GPR179: variants seen among roughly 807,000 people sequenced by gnomAD.
GPR179 encodes G protein-coupled receptor 179, also known as probable G protein-coupled receptor 179.
GPR179 carries 52 observed loss-of-function variants against 70.8 expected under a neutral mutation model. The ratio of observed to expected loss-of-function variants is 0.73; its 90% CI spans 0.59 to 0.93. The LOEUF is 0.93. GPR179 is among the 40% of genes least tolerant of loss of function. The probability of loss-of-function intolerance (pLI) is 0.00; values close to 1 mark genes in which losing one functional copy is unlikely to be tolerated. For missense variants in GPR179, 2,734 were observed against 2,966.8 expected (o/e 0.92, Z 1.82); for synonymous variants, 1,123 against 1,169.0 (o/e 0.96, Z 0.80).
In GPR179 at chr17:38,325,093, C is replaced by G. The variant is rs994309802; in HGVS notation, c.*1372G>C. Among the ~76,000 whole-genome samples, 12 of 152,108 alleles carry G rather than the reference C, an allele frequency of 7.9e-5. No individual in the cohort carries two copies. The highest frequency in any genetic ancestry group is 7.9e-4 in the Admixed American group (12 of 15,254). On this transcript the variant is annotated 3_prime_UTR_variant, in exon 11 of 11. Coordinates refer to ENST00000616987, the MANE Select transcript of GPR179 (RefSeq NM_001004334.4). ...GTGCAGCTCTGCCTTCTCTAGCTGC[C>G]CCTTCCCCCCTCTCCCACCTCCCTT... is the stretch of plus-strand genomic sequence containing the variant.
chr17:38,333,417 G>C lies in GPR179; in HGVS notation c.1891-20C>G. 1 of 1,610,014 alleles carries C rather than the reference G, an allele frequency of 6.2e-7. No individual in the cohort carries two copies. The highest frequency in any genetic ancestry group is 2.2e-5 in the East Asian group (1 of 44,762). On this transcript the variant is annotated intron_variant, in intron 9 of 10. Transcript: ENST00000616987. ...CCAGAACTGGCAGGGGTGCATAAGA[G>C]TGGGAAAAAGACTCGCCCTGGCTCC... is the stretch of plus-strand genomic sequence containing the variant.
rs763800982 is a variant in GPR179, at chr17:38,335,196, C to T, written c.1482G>A (p.Leu494=). 4 of 1,563,154 alleles carry T rather than the reference C, an allele frequency of 2.6e-6. No homozygotes were observed. The highest frequency in any genetic ancestry group is 3.5e-6 in the Non-Finnish European group (4 of 1,154,130). Residue 494 remains leucine, a synonymous_variant, in exon 7 of 11, where the codon CTG becomes CTA. Transcript: ENST00000616987. ...LLSSGRLLRH[L]GLLLLPVLGF... is the part of the protein sequence containing the mutation. ...CCAGCACAGGTAGCAGGAGCAGCCC[C>T]AGGTGCCGCAGCAGCCGCCCGCTGC...
Position 38,328,822 on chromosome 17 carries a change from G to T in GPR179, c.4747C>A (p.Gln1583Lys). ...CPQEDLRPEA[Q>K]EATPAKTEIC... is the part of the protein sequence containing the mutation. ...TCTGTTTTGGCAGGTGTTGCTTCCTGTGCCTCCGGCCTGAGATCTTCCTGT... is the reference window on the plus strand; with the variant it reads ...TCTGTTTTGGCAGGTGTTGCTTCCTTTGCCTCCGGCCTGAGATCTTCCTGT... The change falls in exon 11 of 11, where the codon CAG becomes AAG. Residue 1583 changes from glutamine to lysine, a missense_variant. Physicochemically the swap from Gln to Lys is moderately conservative, Grantham distance 53 (BLOSUM62 1). Transcript: ENST00000616987. 1.9e-6 allele frequency: 3 copies of T among 1,611,946 alleles called. No homozygotes were observed. Among genetic ancestry groups the T allele is most frequent in the Non-Finnish European group, 1.7e-6 (2 of 1,179,496 alleles).
chr17:38,336,299 C>G (rs895892706), intron 4 of GPR179, among the ~76,000 whole-genome samples, 155 bp from the exon 5 acceptor site: 1 of 152,208 alleles, frequency 6.6e-6, no homozygotes, highest in Non-Finnish European at 1.5e-5. Context: ...TCCCTTGTTA[C>G]CCCAGGCTCA....
chr17:38,339,596 T>C, intron 1 of GPR179, 71 bp from the exon 2 acceptor site: 6 of 1,078,478 alleles, frequency 5.6e-6, no homozygotes, highest in South Asian at 5.1e-5. Flanking sequence ...CTGGGCGTTG[T>C]TGGGGCCCAG....
rs369759200 is a variant in GPR179, at chr17:38,330,856, G to C, written c.2713C>G (p.Pro905Ala). ...CTGTCCACGCTGCTGCTCTTGGCAG[G>C]GGAAGGTGGAGCTGACAGGGGGGCC... ...RGAPLSAPPS[P>A]AKSSSVDSSH... Residue 905 changes from proline (P) to alanine (A), a missense_variant, in exon 11 of 11, where the codon CCT becomes GCT. Physicochemically the swap from Pro to Ala is conservative, Grantham distance 27. Transcript: ENST00000616987. 2 of 1,602,202 alleles carry C rather than the reference G, an allele frequency of 1.2e-6. No individual in the cohort carries two copies. Among genetic ancestry groups the C allele is most frequent in the Non-Finnish European group, 1.7e-6 (2 of 1,174,626 alleles).
rs1597664176 is a variant in GPR179 at position 38,330,543 on chromosome 17, T to C, written c.3026A>G (p.Gln1009Arg). Residue 1009 changes from glutamine (Q) to arginine (R), a missense_variant, in exon 11 of 11, where the codon CAG becomes CGG. Transcript: ENST00000616987. ...TCGCTCTGGCCCTGAGGGGCCTTCC[T>C]GGGGCACATTTTCTTGCTTGGCTGG... ...ELPAKQENVP[Q>R]EGPSGPERGH... 16 of 1,569,126 alleles carry C rather than the reference T, an allele frequency of 1.0e-5. No homozygotes were observed. In the East Asian group the frequency reaches 3.6e-4, roughly 35 times the overall value.
Position 38,334,872 on chromosome 17 carries a change from G to T in GPR179, c.1646-30C>A. The T allele has an allele frequency of 6.2e-7, 1 of 1,607,750 alleles. No individual in the cohort carries two copies. The highest frequency in any genetic ancestry group is 8.5e-7 in the Non-Finnish European group (1 of 1,177,752). ...GGGGAGACAGGGAGGGAGAGAGCCG[G>T]CACCACCTCAGCAGCTGTCCCACCC... On this transcript the variant is annotated intron_variant, in intron 7 of 10. Coordinates refer to ENST00000616987, the MANE Select transcript of GPR179 (RefSeq NM_001004334.4). The surrounding 1 kb of genome is among the most constrained non-coding windows in gnomAD (Gnocchi z 4.7).
At position 38,330,884 on chromosome 17, in the gene GPR179, T is replaced by C. The variant is rs1462410830; in HGVS notation, c.2685A>G (p.Arg895=). The C allele has an allele frequency of 6.2e-7, 1 of 1,600,438 alleles. No homozygotes were observed. ...RPSARRLERP[R]GAPLSAPPSP... is the part of the protein sequence containing the mutation. Reference sequence around the variant, plus strand: ...AAGGTGGAGCTGACAGGGGGGCCCCTCGAGGCCGCTCCAGCCTCCTGGCTG... The same window carrying C: ...AAGGTGGAGCTGACAGGGGGGCCCCCCGAGGCCGCTCCAGCCTCCTGGCTG... Residue 895 remains arginine, a synonymous_variant, in exon 11 of 11, where the codon CGA becomes CGG. Coordinates refer to ENST00000616987, the MANE Select transcript of GPR179 (RefSeq NM_001004334.4).
chr17:38,326,977 C>T lies in GPR179; in HGVS notation c.6592G>A (p.Gly2198Ser), dbSNP rs768675419. 27 of 1,614,024 alleles carry T rather than the reference C, an allele frequency of 1.7e-5. No homozygotes were observed. The highest frequency in any genetic ancestry group is 8.3e-5 in the Admixed American group (5 of 60,010). The change falls in exon 11 of 11, where the codon GGT becomes AGT. Residue 2198 changes from glycine (G) to serine (S), a missense_variant. By Grantham distance (56) the Gly-to-Ser change is moderately conservative (BLOSUM62 0). Transcript: ENST00000616987. Reference protein sequence around the residue: ...TGSGGLLPQSGALDPELKVSP... With the variant: ...TGSGGLLPQSSALDPELKVSP... ...ACTTTGAGTTCTGGGTCCAGGGCAC[C>T]TGACTGGGGCAAGAGCCCTCCTGAG...
chr17:38,326,978 T>C lies in GPR179; in HGVS notation c.6591A>G (p.Ser2197=). Residue 2197 remains serine, a synonymous_variant, in exon 11 of 11, where the codon TCA becomes TCG. Coordinates refer to ENST00000616987, the MANE Select transcript of GPR179 (RefSeq NM_001004334.4). Reference sequence around the variant, plus strand: ...CTTTGAGTTCTGGGTCCAGGGCACCTGACTGGGGCAAGAGCCCTCCTGAGC... The same window carrying C: ...CTTTGAGTTCTGGGTCCAGGGCACCCGACTGGGGCAAGAGCCCTCCTGAGC... ...GTGSGGLLPQ[S]GALDPELKVS... 1 of 1,614,112 alleles carries C rather than the reference T, an allele frequency of 6.2e-7. No homozygotes were observed.
Position 38,343,018 on chromosome 17 carries a change from G to C in GPR179, c.772C>G (p.Pro258Ala), listed in dbSNP as rs1158147711. 1.9e-6 allele frequency: 3 copies of C among 1,610,624 alleles called. No homozygotes were observed. Among genetic ancestry groups the C allele is most frequent in the Non-Finnish European group, 2.5e-6 (3 of 1,178,166 alleles). ...TACCTGACTTCTGGGCTGAGGTCTG[G>C]CTTGAGTCCATAGAAGGTGGCAGAG... ...TLSATFYGLKPDLSPEVRGQV... is the reference protein window; with the variant it reads ...TLSATFYGLKADLSPEVRGQV... The change falls in exon 1 of 11, where the codon CCA (proline) becomes GCA (alanine). Residue 258 changes from proline (P) to alanine (A), a missense_variant. Coordinates refer to ENST00000616987, the MANE Select transcript of GPR179 (RefSeq NM_001004334.4). The surrounding 1 kb of genome is among the most constrained non-coding windows in gnomAD (Gnocchi z 4.2).
chr17:38,331,584 CT>C, intron 10 of GPR179, 53 bp from the exon 11 acceptor site: 6 of 1,543,118 alleles, frequency 3.9e-6, no homozygotes, highest in Non-Finnish European at 5.2e-6. Context: ...TCTCCATCCC[CT>C]GGCTGTCTGT....
At position 38,328,609 on chromosome 17, in the gene GPR179, C is replaced by T; in HGVS notation, c.4960G>A (p.Val1654Met). 1 of 1,614,170 alleles carries T rather than the reference C, an allele frequency of 6.2e-7. No homozygotes were observed. The highest frequency in any genetic ancestry group is 8.5e-7 in the Non-Finnish European group (1 of 1,180,038). The change falls in exon 11 of 11, where the codon GTG becomes ATG. Residue 1654 changes from valine (V) to methionine (M), a missense_variant. Val to Met is a conservative substitution (Grantham distance 21). Coordinates refer to ENST00000616987, the MANE Select transcript of GPR179 (RefSeq NM_001004334.4). The part of the protein sequence containing the change: ...KQEAVGPWES[V>M]DPGSFSPQPR... ...TGTGGGGAGAAGCTGCCAGGGTCCA[C>T]ACTCTCCCAGGGGCCGACCGCTTCT...
In GPR179 at chr17:38,327,844, C is replaced by T. The variant is rs903436438; in HGVS notation, c.5725G>A (p.Glu1909Lys). The T allele has an allele frequency of 5.9e-5, 95 of 1,614,106 alleles. No homozygotes were observed. Among genetic ancestry groups the T allele is most frequent in the Non-Finnish European group, 7.9e-5 (93 of 1,180,054 alleles). Residue 1909 changes from glutamate (E) to lysine (K), a missense_variant, in exon 11 of 11, where the codon GAA becomes AAA. Transcript: ENST00000616987. ...SSEVAEGHSL[E>K]ATEKGDLRQD... ...CTCAGGTCCCCCTTCTCTGTTGCTTCCAAGGAATGTCCCTCTGCCACTTCA... is the reference window on the plus strand; with the variant it reads ...CTCAGGTCCCCCTTCTCTGTTGCTTTCAAGGAATGTCCCTCTGCCACTTCA...
In GPR179 at chr17:38,326,765, G is replaced by A; in HGVS notation, c.6804C>T (p.Pro2268=). The A allele has an allele frequency of 6.2e-7, 1 of 1,614,202 alleles. No homozygotes were observed. The highest frequency in any genetic ancestry group is 8.5e-7 in the Non-Finnish European group (1 of 1,180,036). The change falls in exon 11 of 11, where the codon CCC becomes CCT. Residue 2268 remains proline (P), a synonymous_variant. Coordinates refer to ENST00000616987, the MANE Select transcript of GPR179 (RefSeq NM_001004334.4). ...ALTATRREFF[P]TAPEKPLCLL... ...GGCATAGTGGTTTTTCAGGAGCTGT[G>A]GGGAAAAATTCTCTCCGAGTTGCTG... is the stretch of plus-strand genomic sequence containing the variant.
In GPR179 at chr17:38,335,579, C is replaced by T; in HGVS notation, c.1406+12G>A. 1 of 1,585,264 alleles carries T rather than the reference C, an allele frequency of 6.3e-7. No homozygotes were observed. Among genetic ancestry groups the T allele is most frequent in the Non-Finnish European group, 8.7e-7 (1 of 1,153,866 alleles). On this transcript the variant is annotated intron_variant, in intron 6 of 10. Coordinates refer to ENST00000616987, the MANE Select transcript of GPR179 (RefSeq NM_001004334.4). ...TGAGCAGCATGAGAGCAAAGTCTGCCCCAGGCCGTACCTGTAAAGCTTGAG... is the reference window on the plus strand; with the variant it reads ...TGAGCAGCATGAGAGCAAAGTCTGCTCCAGGCCGTACCTGTAAAGCTTGAG...
At position 38,330,565 on chromosome 17, in the gene GPR179, C is replaced by A; in HGVS notation, c.3004G>T (p.Ala1002Ser). The A allele has an allele frequency of 6.4e-7, 1 of 1,572,288 alleles. No homozygotes were observed. Among genetic ancestry groups the A allele is most frequent in the Non-Finnish European group, 8.6e-7 (1 of 1,161,722 alleles). Residue 1002 changes from alanine (A) to serine (S), a missense_variant, in exon 11 of 11, where the codon GCC becomes TCC. Coordinates refer to ENST00000616987, the MANE Select transcript of GPR179 (RefSeq NM_001004334.4). ...ICPWENAELP[A>S]KQENVPQEGP... Reference sequence around the variant, plus strand: ...TCCTGGGGCACATTTTCTTGCTTGGCTGGCAGTTCTGCGTTCTCCCAGGGG... The same window carrying A: ...TCCTGGGGCACATTTTCTTGCTTGGATGGCAGTTCTGCGTTCTCCCAGGGG...
chr17:38,333,816 C>T (rs2037379752), intron 9 of GPR179, 117 bp downstream of exon 9: 3 of 727,906 alleles, frequency 4.1e-6, no homozygotes, highest in Non-Finnish European at 6.9e-6. Flanking sequence ...CTCACTCACC[C>T]AGCACCTTCT....
Sources: allele counts gnomAD v4.1 joint callset (sites outside exome capture counted in the v4.1 genomes callset), GRCh38; gene constraint gnomAD v4.1.1; non-coding constraint Gnocchi (gnomAD v3.1); transcripts MANE v1.5; gene names NCBI Gene and HGNC (gene_info 2026-07-23, HGNC 2026-07-21).